The following HSF5 variants were observed in gnomAD, a reference collection of about 807,000 sequenced individuals.
HSF5 encodes the protein heat shock transcription factor 5.
In HSF5, 5 loss-of-function variants were observed where a neutral mutation model predicts 50.8. That is an observed-to-expected ratio of 0.10 (90% CI 0.05 to 0.21). HSF5 has a LOEUF of 0.21. Among genes scored for constraint, HSF5 ranks in the 10% least tolerant of loss-of-function variants. The pLI, the probability that HSF5 is intolerant of heterozygous loss-of-function variation, is 1.00. For synonymous variants in HSF5, 307 were observed against 307.4 expected, an observed-to-expected ratio of 1.00 and a Z score of 0.02; for missense variants, 564 against 762.6, an observed-to-expected ratio of 0.74 and a Z score of 3.07.
intron 5 of HSF5, among the ~76,000 whole-genome samples, chr17:58,456,399 G>C (rs1974714089): frequency 6.6e-6 from 1 of 152,162 alleles, no homozygotes; most frequent in African/African-American, 2.4e-5. Context: ...GTAAATACCA[G>C]AGGCTGGGGA....
At chr17:58,446,652 T>TGGCCTCAGG (rs1371020635) in intron 5 of HSF5, among the ~76,000 whole-genome samples, 11 of 152,102 alleles carry the variant, frequency 7.2e-5, no homozygotes, top group Non-Finnish European at 1.5e-5. Flanking sequence ...CTGAATAAAT[T>TGGCCTCAGG]TCCGTGGCAG....
At chr17:58,436,029 A>G (rs1412784002) in intron 5 of HSF5, among the ~76,000 whole-genome samples, 1 of 152,182 alleles carries the variant, frequency 6.6e-6, no homozygotes, top group African/African-American at 2.4e-5. Flanking sequence ...ATTATAATCC[A>G]TATTCCTCAT....
intron 1 of HSF5, among the ~76,000 whole-genome samples, chr17:58,484,956 T>C (rs1975148356): frequency 7.3e-6 from 1 of 136,882 alleles, no homozygotes; most frequent in African/African-American, 2.8e-5. Flanking sequence ...TTTTTTTTTT[T>C]TTTTTTTTTT....
chr17:58,460,622 G>A (rs1974782019), intron 4 of HSF5, among the ~76,000 whole-genome samples: 1 of 150,986 alleles, frequency 6.6e-6, no homozygotes, highest in African/African-American at 2.4e-5. Context: ...CCATTCTCCT[G>A]CCTCAGCCTC....
At chr17:58,453,049 A>G (rs902934615) in intron 5 of HSF5, among the ~76,000 whole-genome samples, 1 of 152,088 alleles carries the variant, frequency 6.6e-6, no homozygotes, top group Non-Finnish European at 1.5e-5. Flanking sequence ...CAAACAAACA[A>G]AAAGTCTCCC....
chr17:58,472,317 AG>A (rs2143795479), intron 2 of HSF5, among the ~76,000 whole-genome samples: 1 of 152,208 alleles, frequency 6.6e-6, no homozygotes, highest in East Asian at 1.9e-4. Context: ...CCCCAAAAAA[AG>A]TGTTTTAATT....
Position 58,460,476 on chromosome 17 carries a change from T to TACAC in HSF5, c.1543-1532_1543-1531insGTGT, listed in dbSNP as rs1370231667. ...TAAAACACAGCTTTATATACATATA[T>TACAC]ATACACACACACACACACACACACA... On this transcript the variant is annotated intron_variant, in intron 4 of 5. Transcript: ENST00000323777. Among the ~76,000 whole-genome samples, 46 of 114,802 alleles carry TACAC rather than the reference T, an allele frequency of 4.0e-4. 5 individuals are homozygous for TACAC. Among genetic ancestry groups the TACAC allele is most frequent in the Middle Eastern group, 4.9e-3 (1 of 206 alleles). The allele number at this position is 114,802 out of a possible 152,430, so 75.3% of individuals were successfully genotyped here. A position where few individuals can be genotyped will look rare whatever the true frequency, so the allele number is the denominator to read the frequency against.
At chr17:58,482,617 G>A (rs1975112957) in intron 1 of HSF5, among the ~76,000 whole-genome samples, 1 of 145,716 alleles carries the variant, frequency 6.9e-6, no homozygotes, top group Non-Finnish European at 1.5e-5. Flanking sequence ...GGCTGAGGAA[G>A]GAGAATAGCT....
intron 2 of HSF5, among the ~76,000 whole-genome samples, chr17:58,475,215 G>A (rs1974996571): frequency 6.6e-6 from 1 of 152,104 alleles, no homozygotes; most frequent in South Asian, 2.1e-4. Flanking sequence ...AACGATACAA[G>A]TATATGGTTG....
chr17:58,440,434 T>TAATTGCCAGTGACCCC (rs1195386677), intron 5 of HSF5, among the ~76,000 whole-genome samples: 1 of 152,180 alleles, frequency 6.6e-6, no homozygotes, highest in East Asian at 1.9e-4. Context: ...AGGTGATCCC[T>TAATTGCCAGTGACCCC]AATTGCCAGT....
intron 5 of HSF5, among the ~76,000 whole-genome samples, chr17:58,456,437 A>G (rs1192466615): frequency 6.6e-6 from 1 of 152,136 alleles, no homozygotes. Context: ...TATTGGGAGA[A>G]GTTGGTCAAA....
intron 5 of HSF5, among the ~76,000 whole-genome samples, chr17:58,449,422 G>A (rs946909564): frequency 7.2e-5 from 11 of 152,176 alleles, no homozygotes; most frequent in South Asian, 2.1e-4. Context: ...ACAATGTGCC[G>A]GGCACAGTGG....
At chr17:58,468,346 C>T (rs1974899246) in intron 2 of HSF5, among the ~76,000 whole-genome samples, 1 of 152,120 alleles carries the variant, frequency 6.6e-6, no homozygotes. Context: ...TGCAGTGAGC[C>T]ATGATTGTGC....
At chr17:58,434,541 C>T (rs1282207167) in intron 5 of HSF5, among the ~76,000 whole-genome samples, 1 of 148,868 alleles carries the variant, frequency 6.7e-6, no homozygotes, top group South Asian at 2.1e-4. Context: ...CAGAGCTAGA[C>T]TCCATCTCAA....
intron 5 of HSF5, among the ~76,000 whole-genome samples, chr17:58,450,022 C>CAAA (rs71143248): frequency 1.2e-3 from 88 of 76,428 alleles, no homozygotes; most frequent in Non-Finnish European, 1.8e-3. Flanking sequence ...GACTCCGTCT[C>CAAA]AAAAAAAAAA....
At chr17:58,448,194 G>A (rs1265680529) in intron 5 of HSF5, among the ~76,000 whole-genome samples, 3 of 149,688 alleles carry the variant, frequency 2.0e-5, no homozygotes, top group South Asian at 2.1e-4. Flanking sequence ...ATAGTCAGAG[G>A]AGAAAAAAAG....
chr17:58,481,494 T>G (rs900829048), intron 1 of HSF5, among the ~76,000 whole-genome samples: 1 of 152,234 alleles, frequency 6.6e-6, no homozygotes, highest in East Asian at 1.9e-4. Context: ...AAGGAGAGTT[T>G]TGCATTAAAT....
At chr17:58,454,808 T>C (rs1974687220) in intron 5 of HSF5, among the ~76,000 whole-genome samples, 1 of 152,128 alleles carries the variant, frequency 6.6e-6, no homozygotes, top group African/African-American at 2.4e-5. Context: ...TATAAAACAT[T>C]GATGAAAGAT....
At chr17:58,449,696 T>A (rs1334610498) in intron 5 of HSF5, among the ~76,000 whole-genome samples, 3 of 130,288 alleles carry the variant, frequency 2.3e-5, no homozygotes, top group African/African-American at 8.5e-5. Flanking sequence ...TGAGGCTCCA[T>A]CTCAAAAAAA....
Sources: gnomAD v4.1 joint callset for allele counts (sites outside exome capture counted in the v4.1 genomes callset) on GRCh38, gnomAD v4.1.1 for gene constraint, MANE v1.5 for transcripts, NCBI Gene and HGNC (gene_info 2026-07-23, HGNC 2026-07-21) for gene names.